The following ROR1 variants were observed in gnomAD, a reference collection of about 807,000 sequenced individuals.
ROR1 encodes ROR family WNT receptor 1, also known as inactive tyrosine-protein kinase transmembrane receptor ROR1.
A neutral mutation model predicts 78.8 loss-of-function variants in ROR1; 19 were observed. The ratio of observed to expected loss-of-function variants is 0.24; its 90% confidence interval spans 0.17 to 0.35. The LOEUF is 0.35. ROR1 is among the 10% of genes least tolerant of loss of function. The pLI is 1.00. For synonymous variants in ROR1, 386 were observed against 433.6 expected, an observed-to-expected ratio of 0.89 and a Z score of 1.36; for missense variants, 917 against 1,177.8, an observed-to-expected ratio of 0.78 and a Z score of 3.24.
intron 2 of ROR1, among the ~76,000 whole-genome samples, chr1:64,013,742 C>T (rs866319305): frequency 6.6e-6 from 1 of 152,200 alleles, no homozygotes; most frequent in Non-Finnish European, 1.5e-5. Context: ...TATGGGGTAC[C>T]GTATTAGCCT....
Position 63,843,863 on chromosome 1 carries a change from C to T in ROR1, c.91+69355C>T, listed in dbSNP as rs373775971. Among the ~76,000 whole-genome samples the T allele has an allele frequency of 1.6e-4, 25 of 152,220 alleles. 1 individual carries two copies. Among genetic ancestry groups the T allele is most frequent in the Admixed American group, 1.0e-3 (16 of 15,292 alleles). ...TGATTTCCCTAACTCTGGGTGGGTC[C>T]CTCTTCATATTAGTCCTCCACACCT... On this transcript the variant is annotated intron_variant, in intron 1 of 8. Coordinates refer to ENST00000371079, the MANE Select transcript of ROR1 (RefSeq NM_005012.4).
chr1:63,837,775 T>C (rs1379451825), intron 1 of ROR1, among the ~76,000 whole-genome samples: 1 of 152,214 alleles, frequency 6.6e-6, no homozygotes, highest in Non-Finnish European at 1.5e-5. Flanking sequence ...GAACCGTGAT[T>C]GTGCCACTGC....
chr1:63,915,638 T>G (rs541367450), intron 1 of ROR1, among the ~76,000 whole-genome samples: 1 of 152,250 alleles, frequency 6.6e-6, no homozygotes, highest in South Asian at 2.1e-4. Context: ...TCTTTTATGA[T>G]GGGAGATGGT....
At chr1:63,949,326 C>T (rs1165083790) in intron 1 of ROR1, among the ~76,000 whole-genome samples, 4 of 152,066 alleles carry the variant, frequency 2.6e-5, no homozygotes, top group Non-Finnish European at 5.9e-5. Context: ...ACTCCATTCC[C>T]CACCCCCCAG....
At chr1:63,980,948 G>T (rs1570009330) in intron 1 of ROR1, among the ~76,000 whole-genome samples, 1 of 152,200 alleles carries the variant, frequency 6.6e-6, no homozygotes, top group Middle Eastern at 3.2e-3. Flanking sequence ...CCATAAAGCT[G>T]TTCTGATCCT....
intron 4 of ROR1, among the ~76,000 whole-genome samples, chr1:64,132,760 C>CAAAAAAA (rs749607703): frequency 2.8e-5 from 2 of 70,416 alleles, no homozygotes; most frequent in Admixed American, 2.1e-4. Context: ...GACTCCATCT[C>CAAAAAAA]AAAAAAAAAA....
At chr1:63,895,422 G>C (rs1330058318) in intron 1 of ROR1, among the ~76,000 whole-genome samples, 1 of 152,142 alleles carries the variant, frequency 6.6e-6, no homozygotes, top group African/African-American at 2.4e-5. Flanking sequence ...ATGTATCTTG[G>C]TTTCATGAAG....
chr1:64,004,951 G>A (rs1046259166), intron 1 of ROR1, among the ~76,000 whole-genome samples: 21 of 152,088 alleles, frequency 1.4e-4, no homozygotes, highest in Admixed American at 1.1e-3. Context: ...AGAAAGATAA[G>A]GGTTGGAGTT....
intron 1 of ROR1, among the ~76,000 whole-genome samples, chr1:63,776,907 C>A (rs1644620149): frequency 1.3e-5 from 2 of 152,164 alleles, no homozygotes; most frequent in South Asian, 4.1e-4. Flanking sequence ...CTCACGTTTA[C>A]TTTCTCCTCT....
chr1:63,775,212 AAG>A (rs1237368307), intron 1 of ROR1: 1 of 152,200 alleles, frequency 6.6e-6, no homozygotes, highest in Non-Finnish European at 1.5e-5. Context: ...TGTTACAAAC[AAG>A]AGGGGGAAAA....
At chr1:64,125,471 G>A (rs1001900222) in intron 4 of ROR1, among the ~76,000 whole-genome samples, 1 of 152,150 alleles carries the variant, frequency 6.6e-6, no homozygotes, top group Non-Finnish European at 1.5e-5. Context: ...TGACTACAAA[G>A]CTGGGAGTTG....
chr1:64,138,614 C>T lies in ROR1; in HGVS notation c.610+1118C>T, dbSNP rs147840021. On this transcript the variant is annotated intron_variant, in intron 5 of 8. Transcript: ENST00000371079. Reference sequence around the variant, plus strand: ...AGGCTGGAATGCAGTGGCGCGATCTCGGCTCACTGCAAGCTCTGCTTCCTA... The same window carrying T: ...AGGCTGGAATGCAGTGGCGCGATCTTGGCTCACTGCAAGCTCTGCTTCCTA... Among the ~76,000 whole-genome samples the T allele has an allele frequency of 4.4e-3, 662 of 150,290 alleles. 2 individuals are homozygous for T. Among genetic ancestry groups the T allele is most frequent in the Admixed American group, 6.0e-3 (91 of 15,074 alleles).
chr1:63,895,943 C>T (rs982097307), intron 1 of ROR1, among the ~76,000 whole-genome samples: 1 of 152,058 alleles, frequency 6.6e-6, no homozygotes, highest in Non-Finnish European at 1.5e-5. Context: ...ACTATGACCC[C>T]TCTAAGTTCT....
intron 1 of ROR1, among the ~76,000 whole-genome samples, chr1:63,993,182 T>A (rs1646309864): frequency 1.3e-5 from 2 of 152,184 alleles, no homozygotes; most frequent in African/African-American, 2.4e-5. Context: ...AAAGTCAGTA[T>A]CCCTTGGCAA....
At chr1:64,019,888 G>A (rs1483096081) in intron 2 of ROR1, among the ~76,000 whole-genome samples, 2 of 152,162 alleles carry the variant, frequency 1.3e-5, no homozygotes, top group African/African-American at 4.8e-5. Flanking sequence ...TTAAATTAAG[G>A]ATCTTGAGAT....
chr1:63,786,423 C>T (rs1644687889), intron 1 of ROR1, among the ~76,000 whole-genome samples: 2 of 151,594 alleles, frequency 1.3e-5, no homozygotes, highest in Non-Finnish European at 2.9e-5. Flanking sequence ...CAGGCACCCG[C>T]CACCACGGCC....
chr1:63,826,671 T>C (rs1644955480), intron 1 of ROR1, among the ~76,000 whole-genome samples: 1 of 152,220 alleles, frequency 6.6e-6, no homozygotes, highest in East Asian at 1.9e-4. Context: ...GTCACCACAC[T>C]GTGATTCACA....
intron 8 of ROR1, among the ~76,000 whole-genome samples, chr1:64,164,693 C>T (rs1280730516): frequency 6.6e-6 from 1 of 151,990 alleles, no homozygotes; most frequent in East Asian, 1.9e-4. Context: ...ATTATTTGAT[C>T]ACCCAGGTAT....
At chr1:64,056,144 A>G (rs953269167) in intron 4 of ROR1, among the ~76,000 whole-genome samples, 4 of 152,122 alleles carry the variant, frequency 2.6e-5, no homozygotes, top group Non-Finnish European at 5.9e-5. Context: ...ATGACCATTC[A>G]TGTGCATTGT....
Sources: allele counts gnomAD v4.1 joint callset (sites outside exome capture counted in the v4.1 genomes callset), GRCh38; gene constraint gnomAD v4.1.1; transcripts MANE v1.5; gene names NCBI Gene and HGNC (gene_info 2026-07-23, HGNC 2026-07-21).